Variants in ZNF33B observed in about 807,000 individuals in gnomAD.
The protein encoded by ZNF33B is zinc finger protein 33B, also known as zinc finger protein 11b (KOX 2).
In ZNF33B, 29 loss-of-function variants were observed where a neutral mutation model predicts 45.8. The ratio of observed to expected loss-of-function variants is 0.63; its 90% CI spans 0.47 to 0.86. The LOEUF (loss-of-function observed/expected upper bound fraction) is 0.86. Ranked by LOEUF, ZNF33B falls within the 40% of genes least tolerant of loss-of-function variation. ZNF33B has a pLI of 0.00. For synonymous variants in ZNF33B, 305 were observed against 307.8 expected, an observed-to-expected ratio of 0.99 and a Z score of 0.10; for missense variants, 831 against 909.9, an observed-to-expected ratio of 0.91 and a Z score of 1.12.
chr10:42,608,939 G>A (rs1170378802), intron 4 of ZNF33B, among the ~76,000 whole-genome samples: 5 of 148,894 alleles, frequency 3.4e-5, no homozygotes, highest in Non-Finnish European at 5.9e-5. Flanking sequence ...TGTATTACTA[G>A]TACTCTTACA....
chr10:42,579,273 A>C (rs1203363591), intron 1 of ZNF33B, among the ~76,000 whole-genome samples: 2 of 152,188 alleles, frequency 1.3e-5, no homozygotes, highest in Non-Finnish European at 2.9e-5. Flanking sequence ...ATACTGTGTG[A>C]TGCTGAGGCT....
At chr10:42,636,295 T>C (rs1326392546) in intron 2 of ZNF33B, among the ~76,000 whole-genome samples, 1 of 152,180 alleles carries the variant, frequency 6.6e-6, no homozygotes, top group Non-Finnish European at 1.5e-5. Context: ...TTATTCACTA[T>C]GGGTCCCTAT....
chr10:42,604,011 T>G (rs1234785036), intron 4 of ZNF33B, among the ~76,000 whole-genome samples: 1 of 152,196 alleles, frequency 6.6e-6, no homozygotes, highest in African/African-American at 2.4e-5. Context: ...CTCTACAATG[T>G]CTATTCTTCA....
At chr10:42,638,267 C>T (rs888753705) in intron 1 of ZNF33B, among the ~76,000 whole-genome samples, 2 of 152,276 alleles carry the variant, frequency 1.3e-5, no homozygotes, top group Admixed American at 6.5e-5. Flanking sequence ...CAGGGCAACG[C>T]ACAGGGCGTA....
At chr10:42,606,823 A>C (rs1210171598) in intron 4 of ZNF33B, among the ~76,000 whole-genome samples, 2 of 151,876 alleles carry the variant, frequency 1.3e-5, no homozygotes, top group African/African-American at 4.8e-5. Context: ...ACATCAAATG[A>C]CATAAAGTTA....
intron 4 of ZNF33B, among the ~76,000 whole-genome samples, chr10:42,614,780 C>G (rs1159191439): frequency 6.6e-6 from 1 of 151,772 alleles, no homozygotes; most frequent in Admixed American, 6.6e-5. Context: ...ATGGTGAAAC[C>G]CCATCTCCAC....
intron 4 of ZNF33B, among the ~76,000 whole-genome samples, chr10:42,617,736 C>T (rs1415514183): frequency 2.6e-5 from 4 of 152,152 alleles, no homozygotes; most frequent in Non-Finnish European, 4.4e-5. Context: ...CTGGCAACCA[C>T]GAATCTGTTC....
At chr10:42,618,778 C>T (rs1185934376) in intron 4 of ZNF33B, among the ~76,000 whole-genome samples, 1 of 151,844 alleles carries the variant, frequency 6.6e-6, no homozygotes, top group East Asian at 1.9e-4. Flanking sequence ...ATTTTTCTTT[C>T]CCTTTCTATT....
At chr10:42,631,803 C>T in intron 4 of ZNF33B, 126 bp downstream of exon 4, 1 of 772,714 alleles carries the variant, frequency 1.3e-6, no homozygotes, top group South Asian at 1.7e-5. Context: ...TTCTCCATCA[C>T]TTCCAGAGGT....
Position 42,594,524 on chromosome 10 carries a change from A to T in ZNF33B, c.426T>A (p.Tyr142Ter). The T allele has an allele frequency of 6.2e-7, 1 of 1,613,354 alleles. No homozygotes were observed. The highest frequency in any genetic ancestry group is 2.2e-5 in the East Asian group (1 of 44,838). Residue 142 changes from tyrosine (Y) to a stop codon, truncating the protein, a stop_gained, in exon 5 of 5, where the codon TAT becomes TAA. Transcript: ENST00000359467. LOFTEE classifies it low-confidence loss of function (END_TRUNC). ...TGTTGAAACTCATTCCACGTGAGTC[A>T]TACTGACAGAACATTTTTCTGGAAG... ...SFPSRKMFCQ[Y>*]DSRGMSFNTV...
intron 4 of ZNF33B, among the ~76,000 whole-genome samples, chr10:42,603,718 T>A (rs1302831286): frequency 6.6e-6 from 1 of 152,106 alleles, no homozygotes; most frequent in African/African-American, 2.4e-5. Flanking sequence ...ATGTCAGCAA[T>A]CAGTAGCGGC....
rs1272374940 is a variant in ZNF33B at position 42,593,354 on chromosome 10, T to C, written c.1596A>G (p.Lys532=). 1.9e-6 allele frequency: 3 copies of C among 1,613,876 alleles called. No homozygotes were observed. The South Asian group carries it at 3.3e-5, about 18-fold the overall frequency. The change falls in exon 5 of 5, where the codon AAA becomes AAG. Residue 532 remains lysine (K), a synonymous_variant. Transcript: ENST00000359467. ...LKPYECYECG[K]TFCLKSDLTI... is the part of the protein sequence containing the mutation. ...TGAGGTCTGACTTCAAGCAGAAGGT[T>C]TTCCCACATTCATAACATTCATAAG...
At chr10:42,576,695 G>A (rs1469074669) in intron 1 of ZNF33B, among the ~76,000 whole-genome samples, 2 of 152,144 alleles carry the variant, frequency 1.3e-5, no homozygotes, top group East Asian at 3.8e-4. Context: ...TTTCTAAGGG[G>A]TCCTTTCCCC....
At chr10:42,597,805 A>G (rs115293769) in intron 4 of ZNF33B, among the ~76,000 whole-genome samples, 2,582 of 152,284 alleles carry the variant, frequency 0.017, 78 homozygotes, top group African/African-American at 0.059. Context: ...TTAATTCTTC[A>G]TGAATGTTAG....
At position 42,575,105 on chromosome 10, in the gene ZNF33B, A is replaced by G. The variant is rs117717688; in HGVS notation, c.74-427T>C. Among the ~76,000 whole-genome samples the G allele has an allele frequency of 5.3e-3, 807 of 152,338 alleles. 5 individuals carry two copies. The highest frequency in any genetic ancestry group is 0.013 in the South Asian group (62 of 4,828). On this transcript the variant is annotated intron_variant, in intron 1 of 1. Coordinates refer to the ZNF33B transcript ENST00000462075. ...AGGAAAGCAAAATTTCTGTATAAGA[A>G]AGAAGCGTGGTCTTACATTGACAAG...
intron 1 of ZNF33B, among the ~76,000 whole-genome samples, chr10:42,637,329 A>C (rs1205624426): frequency 1.3e-5 from 2 of 152,254 alleles, no homozygotes; most frequent in African/African-American, 4.8e-5. Context: ...AAACCATTGT[A>C]AAGAATAGGA....
chr10:42,603,116 CAAG>C (rs750416902), intron 4 of ZNF33B, among the ~76,000 whole-genome samples: 1 of 152,138 alleles, frequency 6.6e-6, no homozygotes, highest in African/African-American at 2.4e-5. Flanking sequence ...CAAAAGAAAC[CAAG>C]AAGACCAGAG....
Position 42,593,096 on chromosome 10 carries a change from G to C in ZNF33B, c.1854C>G (p.Phe618Leu). The stretch of plus-strand genomic sequence containing the variant: ...GCTGAGTGAGTTGTGACTTCTGGCA[G>C]AAGGTTTTTCCACATTCATTACATT... ...PYECNECGKT[F>L]CQKSQLTQHQ... The change falls in exon 5 of 5, where the codon TTC (phenylalanine) becomes TTG (leucine). Residue 618 changes from phenylalanine to leucine, a missense_variant. Coordinates refer to ENST00000359467, the MANE Select transcript of ZNF33B (RefSeq NM_006955.3). 1.2e-6 allele frequency: 2 copies of C among 1,613,952 alleles called. No homozygotes were observed. Among genetic ancestry groups the C allele is most frequent in the Non-Finnish European group, 1.7e-6 (2 of 1,179,950 alleles).
rs1252696212 is a variant in ZNF33B, at chr10:42,590,743, T to A, written c.*1870A>T. On this transcript the variant is annotated 3_prime_UTR_variant, in exon 5 of 5. Coordinates refer to ENST00000359467, the MANE Select transcript of ZNF33B (RefSeq NM_006955.3). ...CAGAGTTGTCCATATTTCTTTCTAA[T>A]CCTTTTGGTGACCATAGGATCAGCT... The A allele has an allele frequency of 6.6e-6, 1 of 152,174 alleles. No individual in the cohort carries two copies. The highest frequency in any genetic ancestry group is 1.5e-5 in the Non-Finnish European group (1 of 68,028). The allele number at this position is 152,174 out of a possible 1,614,324, so 9.4% of individuals were successfully genotyped here.
Sources: allele counts gnomAD v4.1 joint callset (sites outside exome capture counted in the v4.1 genomes callset), GRCh38; gene constraint gnomAD v4.1.1; transcripts MANE v1.5; gene names NCBI Gene and HGNC (gene_info 2026-07-23, HGNC 2026-07-21).